KCNQ1: variants seen among roughly 807,000 people sequenced by gnomAD.
The protein encoded by KCNQ1 is potassium voltage-gated channel subfamily Q member 1.
Under a neutral mutation model 72.4 loss-of-function variants are expected in KCNQ1, and 49 were observed. The observed-to-expected ratio is 0.68, with a 90% CI of 0.54 to 0.86. The LOEUF is 0.86. Ranked by LOEUF, KCNQ1 falls within the 40% of genes least tolerant of loss-of-function variation. KCNQ1 has a pLI of 0.00. For missense variants in KCNQ1, 790 were observed against 945.1 expected, an observed-to-expected ratio of 0.84 and a Z score of 2.15; for synonymous variants, 450 against 412.6, an observed-to-expected ratio of 1.09 and a Z score of -1.10.
intron 15 of KCNQ1, among the ~76,000 whole-genome samples, chr11:2,842,571 G>A (rs1191322613): frequency 6.6e-6 from 1 of 152,234 alleles, no homozygotes; most frequent in Non-Finnish European, 1.5e-5. Context: ...AAAGTGAAGG[G>A]AATTGTACAA....
chr11:2,731,474 G>C (rs929693553), intron 11 of KCNQ1, among the ~76,000 whole-genome samples: 1 of 152,210 alleles, frequency 6.6e-6, no homozygotes, highest in African/African-American at 2.4e-5. Context: ...CTCGGGCACC[G>C]GACACAGGGA....
At chr11:2,702,706 C>A (rs1388349383) in intron 11 of KCNQ1, among the ~76,000 whole-genome samples, 1 of 152,168 alleles carries the variant, frequency 6.6e-6, no homozygotes, top group Non-Finnish European at 1.5e-5. Flanking sequence ...TGACAAATTC[C>A]CCGCCTGTGA....
intron 10 of KCNQ1, chr11:2,644,607 T>G: frequency 2.5e-6 from 1 of 398,604 alleles, no homozygotes; most frequent in Non-Finnish European, 4.4e-6. Flanking sequence ...GGAGTTGTCA[T>G]GTTTTGCCTT....
At position 2,723,368 on chromosome 11, in the gene KCNQ1, A is replaced by G. The variant is rs1408058184; in HGVS notation, c.1515-45476A>G. 1.3e-5 allele frequency among the ~76,000 whole-genome samples: 2 copies of G among 152,194 alleles called. No homozygotes were observed. The highest frequency in any genetic ancestry group is 4.8e-5 in the African/African-American group (2 of 41,452). ...GACTCCTAGCAAGCCCCTCCGTCTC[A>G]GAGCCTTGGTGTCCCCATCTGTAAA... On this transcript the variant is annotated intron_variant, in intron 11 of 15. Transcript: ENST00000155840. This position sits in a 1 kb window ranked among gnomAD's most constrained non-coding sequence, Gnocchi z 4.2.
At chr11:2,708,346 T>C (rs1850946216) in intron 11 of KCNQ1, among the ~76,000 whole-genome samples, 1 of 152,188 alleles carries the variant, frequency 6.6e-6, no homozygotes, top group Admixed American at 6.5e-5. Context: ...AGCAGTGAAT[T>C]GGGAGCTCAC....
rs553777471 is a variant in KCNQ1 at position 2,664,712 on chromosome 11, G to A, written c.1514+2631G>A. 1.0e-5 allele frequency: 4 copies of A among 398,610 alleles called. No homozygotes were observed. The highest frequency in any genetic ancestry group is 1.8e-5 in the Non-Finnish European group (4 of 226,166). The allele number at this position is 398,610 out of a possible 1,614,324, so 24.7% of individuals were successfully genotyped here. On this transcript the variant is annotated intron_variant, in intron 11 of 15. Coordinates refer to ENST00000155840, the MANE Select transcript of KCNQ1 (RefSeq NM_000218.3). This position sits in a 1 kb window ranked among gnomAD's most constrained non-coding sequence, Gnocchi z 5.1. ...CATGGACCCTGAACTGGGAAGAGAG[G>A]CACACGCCCTGGTGTGTGTGAGGGA...
intron 11 of KCNQ1, among the ~76,000 whole-genome samples, chr11:2,722,995 G>A (rs750144825): frequency 6.6e-6 from 1 of 152,216 alleles, no homozygotes; most frequent in Non-Finnish European, 1.5e-5. Context: ...CTCGGGGCAG[G>A]CTCACCTCAC....
At chr11:2,840,261 G>A (rs1751472875) in intron 15 of KCNQ1, 1 of 152,798 alleles carries the variant, frequency 6.5e-6, no homozygotes, top group African/African-American at 2.4e-5. Context: ...GAGTCAGCTG[G>A]GGAGGAGGAG....
At chr11:2,656,230 C>T (rs1281680405) in intron 10 of KCNQ1, 1 of 398,520 alleles carries the variant, frequency 2.5e-6, no homozygotes, top group African/African-American at 2.1e-5. Context: ...TTAGCTCTGT[C>T]ACTTGACAAC....
intron 2 of KCNQ1, among the ~76,000 whole-genome samples, chr11:2,568,496 T>G (rs1302995458): frequency 1.3e-5 from 2 of 152,170 alleles, no homozygotes; most frequent in Non-Finnish European, 2.9e-5. Flanking sequence ...CGTGGCCTTT[T>G]TCACGATGAC....
chr11:2,685,696 C>T (rs901026740), intron 11 of KCNQ1: 5 of 398,520 alleles, frequency 1.3e-5, no homozygotes, highest in Admixed American at 8.8e-5. Context: ...TTCAGGCCTT[C>T]GGTCTGGGAC....
intron 15 of KCNQ1, among the ~76,000 whole-genome samples, chr11:2,822,945 A>G (rs1243425578): frequency 1.3e-5 from 2 of 152,128 alleles, no homozygotes; most frequent in Non-Finnish European, 2.9e-5. Context: ...AAAAATCAGT[A>G]AAAGATGGAA....
intron 11 of KCNQ1, among the ~76,000 whole-genome samples, chr11:2,721,091 G>A (rs891601395): frequency 1.3e-5 from 2 of 152,292 alleles, no homozygotes; most frequent in East Asian, 1.9e-4. Context: ...TTTCTAAAAG[G>A]TGGGGAGGGG....
chr11:2,585,730 C>A (rs539302673), intron 8 of KCNQ1, among the ~76,000 whole-genome samples: 13 of 152,316 alleles, frequency 8.5e-5, no homozygotes, highest in Admixed American at 8.5e-4. Context: ...GGCCTGGCAT[C>A]CCTCAGGGCT....
chr11:2,574,795 T>C (rs1456094096), intron 6 of KCNQ1, among the ~76,000 whole-genome samples: 1 of 152,158 alleles, frequency 6.6e-6, no homozygotes, highest in Non-Finnish European at 1.5e-5. Flanking sequence ...GGCAGGGGCA[T>C]GCTGACACAG....
rs1847422350 is a variant in KCNQ1 at position 2,808,500 on chromosome 11, C to T, written c.1794+30463C>T. Reference sequence around the variant, plus strand: ...GCTATTAATAGGCTCTGATGCAGAACTGAGCAGAGAAGAAAACAAAAGAGG... The same window carrying T: ...GCTATTAATAGGCTCTGATGCAGAATTGAGCAGAGAAGAAAACAAAAGAGG... On this transcript the variant is annotated intron_variant, in intron 15 of 15. Transcript: ENST00000155840. This position sits in a 1 kb window ranked among gnomAD's most constrained non-coding sequence, Gnocchi z 6.0. Among the ~76,000 whole-genome samples the T allele has an allele frequency of 1.3e-5, 2 of 152,084 alleles. No individual in the cohort carries two copies. The highest frequency in any genetic ancestry group is 2.4e-5 in the African/African-American group (1 of 41,376).
At chr11:2,606,336 TA>T (rs1373325451) in intron 10 of KCNQ1, among the ~76,000 whole-genome samples, 3 of 152,178 alleles carry the variant, frequency 2.0e-5, no homozygotes, top group Non-Finnish European at 4.4e-5. Context: ...CAAATCTCAT[TA>T]AAATGATTCC....
At position 2,653,799 on chromosome 11, in the gene KCNQ1, G is replaced by A. The variant is rs1330451229; in HGVS notation, c.1394-8162G>A. ...TCCTTGGACCTGCAGCTGTACCTCC[G>A]ATGGCTGAGGCAAGGTCCACAGGGA... On this transcript the variant is annotated intron_variant, in intron 10 of 15. Transcript: ENST00000155840. The surrounding 1 kb of genome is among the most constrained non-coding windows in gnomAD (Gnocchi z 5.3). The A allele has an allele frequency of 1.5e-5, 6 of 398,498 alleles. No homozygotes were observed. Among genetic ancestry groups the A allele is most frequent in the East Asian group, 7.1e-5 (2 of 28,078 alleles). The allele number at this position is 398,498 out of a possible 1,614,324, so 24.7% of individuals were successfully genotyped here.
intron 1 of KCNQ1, among the ~76,000 whole-genome samples, chr11:2,502,912 G>A (rs764644515): frequency 2.0e-5 from 3 of 152,068 alleles, no homozygotes; most frequent in Non-Finnish European, 4.4e-5. Flanking sequence ...TTTGACAAAG[G>A]TGCCAAGAAC....
Sources: gnomAD v4.1 joint callset for allele counts (sites outside exome capture counted in the v4.1 genomes callset) on GRCh38, gnomAD v4.1.1 for gene constraint, Gnocchi (gnomAD v3.1) non-coding constraint, MANE v1.5 for transcripts, NCBI Gene and HGNC (gene_info 2026-07-23, HGNC 2026-07-21) for gene names.